Variants in TP73 observed in about 807,000 individuals in gnomAD.
The protein encoded by TP73 is p53-like transcription factor.
A neutral mutation model predicts 62.5 loss-of-function variants in TP73; 25 were observed. The observed-to-expected ratio is 0.40, with a 90% CI of 0.29 to 0.56. The LOEUF is 0.56. Ranked by LOEUF, TP73 falls within the 20% of genes least tolerant of loss-of-function variation. The pLI, the probability that TP73 is intolerant of heterozygous loss-of-function variation, is 0.46. For missense variants in TP73, 754 were observed against 913.3 expected, an observed-to-expected ratio of 0.83 and a Z score of 2.25; for synonymous variants, 423 against 377.5, an observed-to-expected ratio of 1.12 and a Z score of -1.40.
intron 4 of TP73, chr1:3,708,293 C>A (rs1024401600): frequency 4.0e-5 from 7 of 174,966 alleles, no homozygotes; most frequent in Admixed American, 3.9e-4. Flanking sequence ...AATTGGCATG[C>A]ACCAAGGAGA....
At chr1:3,664,568 A>G (rs984593801) in intron 1 of TP73, among the ~76,000 whole-genome samples, 1 of 152,184 alleles carries the variant, frequency 6.6e-6, no homozygotes, top group African/African-American at 2.4e-5. Flanking sequence ...ACCAGTCCGA[A>G]TACATGAGCC....
intron 3 of TP73, among the ~76,000 whole-genome samples, chr1:3,692,439 G>A (rs758966175): frequency 3.3e-5 from 5 of 152,228 alleles, no homozygotes; most frequent in Non-Finnish European, 7.3e-5. Context: ...AGCCCAGAGC[G>A]TGGAACGGCT....
At chr1:3,660,423 T>G (rs530150360) in intron 1 of TP73, among the ~76,000 whole-genome samples, 1 of 152,346 alleles carries the variant, frequency 6.6e-6, no homozygotes, top group Admixed American at 6.5e-5. Context: ...AAATATGATA[T>G]TCCGGTCAAA....
chr1:3,684,485 A>G (rs1645603162), intron 3 of TP73, among the ~76,000 whole-genome samples: 1 of 152,070 alleles, frequency 6.6e-6, no homozygotes, highest in African/African-American at 2.4e-5. Flanking sequence ...TGACTGTCTG[A>G]GGCATGGGGG....
At chr1:3,707,526 C>T (rs1293953756) in intron 3 of TP73, 23 bp from the exon 4 acceptor site, 9 of 1,595,654 alleles carry the variant, frequency 5.6e-6, no homozygotes, top group South Asian at 3.3e-5. Context: ...TTTCCCCCTC[C>T]CTCCTCCCCT....
intron 3 of TP73, among the ~76,000 whole-genome samples, chr1:3,694,930 C>A (rs1410888878): frequency 1.2e-3 from 174 of 139,420 alleles, no homozygotes; most frequent in East Asian, 3.7e-3. Flanking sequence ...AATCCCAGCC[C>A]TGCAGCCTCA....
rs1640190579 is a variant in TP73 at position 3,711,962 on chromosome 1, A to G, written c.429+4171A>G. ...AGGAGGGACATATGGAAGGACGGCC[A>G]GGGAAGCACAAAGGCTCTGCACGGG... On this transcript the variant is annotated intron_variant, in intron 4 of 13. Coordinates refer to ENST00000378295, the MANE Select transcript of TP73 (RefSeq NM_005427.4). Among the ~76,000 whole-genome samples, 2 of 152,182 alleles carry G rather than the reference A, an allele frequency of 1.3e-5. 1 individual carries two copies. Among genetic ancestry groups the G allele is most frequent in the South Asian group, 4.1e-4 (2 of 4,832 alleles).
intron 3 of TP73, among the ~76,000 whole-genome samples, chr1:3,702,547 C>T (rs1261413364): frequency 6.6e-6 from 1 of 152,212 alleles, no homozygotes; most frequent in Non-Finnish European, 1.5e-5. Flanking sequence ...AACCCATCCG[C>T]AGGGAGGAGA....
rs143887741 is a variant in TP73, at chr1:3,693,247, G to A, written c.186+10067G>A. Among the ~76,000 whole-genome samples, 4 of 152,312 alleles carry A rather than the reference G, an allele frequency of 2.6e-5. No individual in the cohort carries two copies. In the East Asian group the frequency reaches 5.8e-4, roughly 22 times the overall value. On this transcript the variant is annotated intron_variant, in intron 3 of 13. Coordinates refer to ENST00000378295, the MANE Select transcript of TP73 (RefSeq NM_005427.4). ...TCATCTTACTGCAGGAACGTATTTTGAGAGAGAAAGTGGTATTTGGCCCAA... is the reference window on the plus strand; with the variant it reads ...TCATCTTACTGCAGGAACGTATTTTAAGAGAGAAAGTGGTATTTGGCCCAA...
intron 6 of TP73, among the ~76,000 whole-genome samples, chr1:3,725,855 T>G (rs1570621418): frequency 1.5e-4 from 1 of 6,580 alleles, no homozygotes. Flanking sequence ...AGTGGATGGA[T>G]GGAGTGGGTG....
rs954046640 is a variant in TP73 at position 3,724,285 on chromosome 1, G to T, written c.732+816G>T. 8.5e-5 allele frequency among the ~76,000 whole-genome samples: 13 copies of T among 152,072 alleles called. 1 individual carries two copies. In the South Asian group the frequency reaches 2.7e-3, roughly 32 times the overall value. On this transcript the variant is annotated intron_variant, in intron 6 of 13. Transcript: ENST00000378295. Reference sequence around the variant, plus strand: ...AGGCCCCCAGGGGAAGGCAGGCAATGGCAGGCCTCTGCCTTCCCTGTACCT... The same window carrying T: ...AGGCCCCCAGGGGAAGGCAGGCAATTGCAGGCCTCTGCCTTCCCTGTACCT...
intron 1 of TP73, among the ~76,000 whole-genome samples, chr1:3,658,481 G>A (rs1469760337): frequency 3.3e-5 from 5 of 152,120 alleles, no homozygotes; most frequent in African/African-American, 4.8e-5. Flanking sequence ...TCTGGGGAGC[G>A]GTAGAGACAA....
At chr1:3,664,717 TG>T (rs1243147012) in intron 1 of TP73, among the ~76,000 whole-genome samples, 2 of 151,910 alleles carry the variant, frequency 1.3e-5, no homozygotes, top group Non-Finnish European at 2.9e-5. Context: ...GACTGTGAGA[TG>T]GTTGGGGGGC....
intron 1 of TP73, among the ~76,000 whole-genome samples, chr1:3,673,042 C>T (rs1000056189): frequency 1.3e-5 from 2 of 152,222 alleles, no homozygotes; most frequent in Non-Finnish European, 2.9e-5. Flanking sequence ...TGATTTGCCT[C>T]CAGTGGGCCA....
At position 3,726,433 on chromosome 1, in the gene TP73, G is replaced by T. The variant is rs1470532415; in HGVS notation, c.733-682G>T. Among the ~76,000 whole-genome samples, 3 of 123,002 alleles carry T rather than the reference G, an allele frequency of 2.4e-5. 1 individual carries two copies. The Admixed American group carries it at 2.4e-4, about 10-fold the overall frequency. The allele number at this position is 123,002 out of a possible 152,430, so 80.7% of individuals were successfully genotyped here. ...TGGATGGATGGGGTGGGTGTTGGGG[G>T]TGGACGTGTGGGTGGGTGGATGGGT... is the stretch of plus-strand genomic sequence containing the variant. On this transcript the variant is annotated intron_variant, in intron 6 of 13. Coordinates refer to ENST00000378295, the MANE Select transcript of TP73 (RefSeq NM_005427.4).
chr1:3,731,411 A>G lies in TP73; in HGVS notation c.1485-52A>G, dbSNP rs1642130406. The G allele has an allele frequency of 1.9e-6, 3 of 1,567,960 alleles. No individual in the cohort carries two copies. The Middle Eastern group carries it at 5.2e-4, about 271-fold the overall frequency. On this transcript the variant is annotated intron_variant, in intron 12 of 13. Transcript: ENST00000378295. ...CACTCTCAGAGATGGGGGCTCGCGC[A>G]GCCCTGTGCTCGGAAGCTAATGCTG...
chr1:3,695,618 A>G (rs530342299), intron 3 of TP73, among the ~76,000 whole-genome samples: 54 of 152,360 alleles, frequency 3.5e-4, no homozygotes, highest in Middle Eastern at 6.8e-3. Context: ...TTCCTGCAGA[A>G]AGTGAAACCT....
At chr1:3,687,801 T>C (rs549486163) in intron 3 of TP73, among the ~76,000 whole-genome samples, 1 of 152,128 alleles carries the variant, frequency 6.6e-6, no homozygotes, top group East Asian at 1.9e-4. Flanking sequence ...ACAGGTGTTG[T>C]GGGCAGGTGG....
At chr1:3,703,200 C>T (rs1639342009) in intron 3 of TP73, among the ~76,000 whole-genome samples, 1 of 152,226 alleles carries the variant, frequency 6.6e-6, no homozygotes, top group African/African-American at 2.4e-5. Flanking sequence ...GCGGTGACCA[C>T]AGGCAGGGCC....
Sources: allele counts gnomAD v4.1 joint callset (sites outside exome capture counted in the v4.1 genomes callset), GRCh38; gene constraint gnomAD v4.1.1; transcripts MANE v1.5; gene names NCBI Gene and HGNC (gene_info 2026-07-23, HGNC 2026-07-21).